Variants in SPECC1L observed in about 807,000 individuals in gnomAD.
SPECC1L encodes cytospin-A.
A neutral mutation model predicts 116.8 loss-of-function variants in SPECC1L; 40 were observed. That is an observed-to-expected ratio of 0.34 (90% CI 0.27 to 0.45). The LOEUF (loss-of-function observed/expected upper bound fraction) is 0.45, where lower values mean the gene tolerates loss of function less well. Among genes scored for constraint, SPECC1L ranks in the 20% least tolerant of loss-of-function variants. SPECC1L has a pLI of 1.00. For missense variants in SPECC1L, 1,110 were observed against 1,373.6 expected, an observed-to-expected ratio of 0.81 and a Z score of 3.03; for synonymous variants, 504 against 500.6, an observed-to-expected ratio of 1.01 and a Z score of -0.09.
chr22:24,276,821 A>G lies in SPECC1L; in HGVS notation c.-38+18A>G, dbSNP rs2048846912. 2.2e-6 allele frequency: 1 copy of G among 451,120 alleles called. No individual in the cohort carries two copies. Among genetic ancestry groups the G allele is most frequent in the Non-Finnish European group, 4.4e-6 (1 of 225,882 alleles). 27.9% of individuals were successfully genotyped at this position (451,120 alleles called of 1,614,324 possible). A position where few individuals can be genotyped will look rare whatever the true frequency, so the allele number is the denominator to read the frequency against. Reference sequence around the variant, plus strand: ...CAATCACAGTGAGACCTTTTCTCCCAATAAATGCCCCTTTTCTCTCCTTAA... The same window carrying G: ...CAATCACAGTGAGACCTTTTCTCCCGATAAATGCCCCTTTTCTCTCCTTAA... On this transcript the variant is annotated intron_variant, in intron 2 of 16. Coordinates refer to ENST00000314328, the MANE Select transcript of SPECC1L (RefSeq NM_015330.6).
At chr22:24,384,852 G>A (rs1477785264) in intron 14 of SPECC1L, among the ~76,000 whole-genome samples, 3 of 152,054 alleles carry the variant, frequency 2.0e-5, no homozygotes, top group East Asian at 1.9e-4. Flanking sequence ...CAAGGTGGGC[G>A]GATCATGAGG....
chr22:24,414,785 G>C lies in SPECC1L; in HGVS notation c.*162G>C, dbSNP rs2042771850. The stretch of plus-strand genomic sequence containing the variant: ...GGGGCTTCCGTATTGGAAGAACTCA[G>C]CCGTGTGGCCCACAGCTCCCACCAG... On this transcript the variant is annotated 3_prime_UTR_variant, in exon 17 of 17. Transcript: ENST00000314328. 1.5e-6 allele frequency: 1 copy of C among 661,118 alleles called. No individual in the cohort carries two copies. Among genetic ancestry groups the C allele is most frequent in the Non-Finnish European group, 2.7e-6 (1 of 367,440 alleles). 41.0% of individuals were successfully genotyped at this position (661,118 alleles called of 1,614,324 possible).
rs557838125 is a variant in SPECC1L at position 24,359,144 on chromosome 22, TTTC to T, written c.2744-4113_2744-4111del. On this transcript the variant is annotated intron_variant, in intron 11 of 16. Coordinates refer to ENST00000314328, the MANE Select transcript of SPECC1L (RefSeq NM_015330.6). ...CTCTGTTGCCCACCAGCTACTATAC[TTTC>T]TTCCTTACTCTTGCTCAGTTTCTCT... 7.3e-4 allele frequency among the ~76,000 whole-genome samples: 111 copies of T among 152,304 alleles called. 1 individual carries two copies. The highest frequency in any genetic ancestry group is 2.6e-3 in the African/African-American group (107 of 41,566).
intron 10 of SPECC1L, among the ~76,000 whole-genome samples, chr22:24,343,853 A>C (rs1296667495): frequency 6.6e-6 from 1 of 152,190 alleles, no homozygotes; most frequent in Admixed American, 6.5e-5. Context: ...AAGCTGAGGG[A>C]ATTCATTATC....
chr22:24,279,614 C>A (rs1374577319), intron 2 of SPECC1L, among the ~76,000 whole-genome samples: 1 of 151,848 alleles, frequency 6.6e-6, no homozygotes, highest in Non-Finnish European at 1.5e-5. Context: ...AGGTCTAGCT[C>A]TGTTGCCCAG....
intron 14 of SPECC1L, among the ~76,000 whole-genome samples, chr22:24,386,426 C>A (rs964737740): frequency 2.0e-5 from 3 of 151,744 alleles, no homozygotes; most frequent in African/African-American, 7.3e-5. Context: ...AAATAAAGTT[C>A]TAGTCAGTGC....
chr22:24,360,096 G>T (rs1224698218), intron 11 of SPECC1L, among the ~76,000 whole-genome samples: 2 of 152,160 alleles, frequency 1.3e-5, no homozygotes, highest in Admixed American at 6.5e-5. Context: ...AATGGATTAA[G>T]ACAAGAATAG....
In SPECC1L at chr22:24,394,173, T is replaced by C. The variant is rs138838995; in HGVS notation, c.3088-17415T>C. Reference sequence around the variant, plus strand: ...ACGTGCAGGTGTTCATATGGTGTCTTAGTCAGTTTGGACTACTGTAACAAA... The same window carrying C: ...ACGTGCAGGTGTTCATATGGTGTCTCAGTCAGTTTGGACTACTGTAACAAA... On this transcript the variant is annotated intron_variant, in intron 14 of 16. Transcript: ENST00000314328. Among the ~76,000 whole-genome samples, 385 of 152,346 alleles carry C rather than the reference T, an allele frequency of 2.5e-3. 1 individual carries two copies. Among genetic ancestry groups the C allele is most frequent in the African/African-American group, 8.7e-3 (362 of 41,568 alleles).
At chr22:24,377,836 TTTG>T (rs2041999413) in intron 14 of SPECC1L, among the ~76,000 whole-genome samples, 1 of 152,218 alleles carries the variant, frequency 6.6e-6, no homozygotes, top group Admixed American at 6.5e-5. Flanking sequence ...TCATCCAGGC[TTTG>T]TTGTTCCATT....
rs754384232 is a variant in SPECC1L, at chr22:24,302,327, T to G, written c.96T>G (p.Ser32=). 1 of 1,614,170 alleles carries G rather than the reference T, an allele frequency of 6.2e-7. No individual in the cohort carries two copies. The highest frequency in any genetic ancestry group is 8.5e-7 in the Non-Finnish European group (1 of 1,180,024). Residue 32 remains serine (S), a synonymous_variant, in exon 3 of 17, where the codon TCT becomes TCG. Transcript: ENST00000314328. The stretch of plus-strand genomic sequence containing the variant: ...AAAAAATTAAACCTGAAAACAGCTC[T>G]TCAGCATCTACGGGAGGCAAACTTG... ...TAEKIKPENS[S]SASTGGKLVK...
chr22:24,322,735 T>C lies in SPECC1L; in HGVS notation c.1755T>C (p.Asn585=). 1 of 1,583,986 alleles carries C rather than the reference T, an allele frequency of 6.3e-7. No homozygotes were observed. Residue 585 remains asparagine (N), a synonymous_variant, in exon 5 of 17, where the codon AAT becomes AAC. Coordinates refer to ENST00000314328, the MANE Select transcript of SPECC1L (RefSeq NM_015330.6). ...EMNRLKAQLE[N]EKQKVAELYS... ...ATCGCCTGAAGGCTCAGCTGGAGAATGAAAAGCAGAAAGTGGCAGAGCTGT... is the reference window on the plus strand; with the variant it reads ...ATCGCCTGAAGGCTCAGCTGGAGAACGAAAAGCAGAAAGTGGCAGAGCTGT...
In SPECC1L at chr22:24,322,048, C is replaced by G; in HGVS notation, c.1068C>G (p.Leu356=). The G allele has an allele frequency of 6.2e-7, 1 of 1,614,200 alleles. No individual in the cohort carries two copies. The highest frequency in any genetic ancestry group is 8.5e-7 in the Non-Finnish European group (1 of 1,180,042). The change falls in exon 5 of 17, where the codon CTC becomes CTG. Residue 356 remains leucine (L), a synonymous_variant. Transcript: ENST00000314328. ...AGTGCAGTGAGGTCTACCAGCCCCT[C>G]ACATCGAGCGATGATGCGCTGGATG... ...DSECSEVYQP[L]TSSDDALDAP...
chr22:24,275,627 T>C (rs1391048149), intron 1 of SPECC1L, among the ~76,000 whole-genome samples: 1 of 152,052 alleles, frequency 6.6e-6, no homozygotes, highest in Non-Finnish European at 1.5e-5. Context: ...TTCAACTTTG[T>C]CTATTGTGCA....
At chr22:24,383,425 T>A (rs2042098181) in intron 14 of SPECC1L, among the ~76,000 whole-genome samples, 1 of 152,056 alleles carries the variant, frequency 6.6e-6, no homozygotes, top group African/African-American at 2.4e-5. Context: ...ATTAATTAAT[T>A]AATTAAAATA....
intron 2 of SPECC1L, among the ~76,000 whole-genome samples, chr22:24,293,870 A>C (rs1053317462): frequency 1.2e-5 from 1 of 81,136 alleles, no homozygotes; most frequent in African/African-American, 4.7e-5. Flanking sequence ...TTTGAACATA[A>C]AGCTTAGATT....
chr22:24,349,338 G>A lies in SPECC1L; in HGVS notation c.2743+2162G>A, dbSNP rs748482720. On this transcript the variant is annotated intron_variant, in intron 11 of 16. Coordinates refer to ENST00000314328, the MANE Select transcript of SPECC1L (RefSeq NM_015330.6). Reference sequence around the variant, plus strand: ...ATTACAGGCATGAGCCACCGCACCCGGCCTGGCTTTTCTCTTCTTCCTGAC... The same window carrying A: ...ATTACAGGCATGAGCCACCGCACCCAGCCTGGCTTTTCTCTTCTTCCTGAC... Among the ~76,000 whole-genome samples the A allele has an allele frequency of 9.2e-5, 14 of 152,182 alleles. 1 individual carries two copies. The highest frequency in any genetic ancestry group is 1.3e-4 in the Admixed American group (2 of 15,282).
intron 2 of SPECC1L, among the ~76,000 whole-genome samples, chr22:24,298,735 G>C (rs1477627214): frequency 6.6e-6 from 1 of 152,234 alleles, no homozygotes; most frequent in Non-Finnish European, 1.5e-5. Context: ...CTCTTACTTA[G>C]CCTTTTTGTT....
chr22:24,338,815 G>A (rs1486350819), intron 10 of SPECC1L, among the ~76,000 whole-genome samples: 3 of 152,114 alleles, frequency 2.0e-5, no homozygotes, highest in African/African-American at 4.8e-5. Flanking sequence ...TTTTTCACAT[G>A]TGGTTACTGA....
At chr22:24,377,347 T>C (rs1164469828) in intron 14 of SPECC1L, among the ~76,000 whole-genome samples, 3 of 152,268 alleles carry the variant, frequency 2.0e-5, no homozygotes, top group Admixed American at 2.0e-4. Flanking sequence ...TCACTATGTT[T>C]CCCAGGCTGG....
Sources: gnomAD v4.1 joint callset for allele counts (sites outside exome capture counted in the v4.1 genomes callset) on GRCh38, gnomAD v4.1.1 for gene constraint, MANE v1.5 for transcripts, NCBI Gene and HGNC (gene_info 2026-07-23, HGNC 2026-07-21) for gene names.